Variants in MYLK4 observed in about 807,000 individuals in gnomAD.
The protein encoded by MYLK4 is caMLCK like.
In MYLK4, 46 loss-of-function variants were observed where a neutral mutation model predicts 48.1. The ratio of observed to expected loss-of-function variants is 0.96; its 90% confidence interval spans 0.75 to 1.22. The LOEUF is 1.22. MYLK4 is among the 50% of genes most tolerant of loss of function. The probability of loss-of-function intolerance (pLI) is 0.00; values close to 1 mark genes in which losing one functional copy is unlikely to be tolerated. For missense variants in MYLK4, 451 were observed against 486.1 expected (o/e 0.93, Z 0.68); for synonymous variants, 170 against 180.8 (o/e 0.94, Z 0.48).
intron 9 of MYLK4, among the ~76,000 whole-genome samples, chr6:2,678,595 C>T (rs1761174611): frequency 6.6e-6 from 1 of 152,098 alleles, no homozygotes; most frequent in Admixed American, 6.5e-5. Flanking sequence ...ATATGAATAT[C>T]AGCTTCCTTT....
intron 2 of MYLK4, among the ~76,000 whole-genome samples, chr6:2,726,993 A>C (rs1686497674): frequency 6.6e-6 from 1 of 152,160 alleles, no homozygotes; most frequent in Non-Finnish European, 1.5e-5. Flanking sequence ...TTATTATCTC[A>C]CAGCGGGAGA....
At chr6:2,766,246 G>A in the MYLK4 span, 6 of 1,484,348 alleles carry the variant, frequency 4.0e-6, no homozygotes, top group East Asian at 2.7e-5. Context: ...GGGGCCGCCC[G>A]CACCCCCGGG....
rs149621169 is a variant in MYLK4, at chr6:2,666,181, T to C, written c.*1744A>G. On this transcript the variant is annotated 3_prime_UTR_variant, in exon 13 of 13. Coordinates refer to ENST00000274643, the MANE Select transcript of MYLK4 (RefSeq NM_001012418.5). ...TACCTTAAAGATGAGAATAAGGATG[T>C]TGCACACATTCACGGCATGCTGTAA... 1 of 152,198 alleles carries C rather than the reference T, an allele frequency of 6.6e-6. No individual in the cohort carries two copies. Among genetic ancestry groups the C allele is most frequent in the Non-Finnish European group, 1.5e-5 (1 of 68,046 alleles). 9.4% of individuals were successfully genotyped at this position (152,198 alleles called of 1,614,324 possible). A position where few individuals can be genotyped will look rare whatever the true frequency, so the allele number is the denominator to read the frequency against.
rs1172941094 is a variant in MYLK4, at chr6:2,718,344, T to C, written c.160-25485A>G. On this transcript the variant is annotated intron_variant, in intron 2 of 12. Coordinates refer to ENST00000274643, the MANE Select transcript of MYLK4 (RefSeq NM_001012418.5). ...AGTGAGTCATAGATTGCTAGTAGCC[T>C]AGCCAATATCCTTCTCCCTTCTTCT... is the stretch of plus-strand genomic sequence containing the variant. Among the ~76,000 whole-genome samples, 11 of 152,240 alleles carry C rather than the reference T, an allele frequency of 7.2e-5. No homozygotes were observed. The South Asian group carries it at 1.7e-3, about 23-fold the overall frequency.
chr6:2,710,740 C>A (rs1230726209), intron 2 of MYLK4, among the ~76,000 whole-genome samples: 6 of 152,210 alleles, frequency 3.9e-5, no homozygotes, highest in Admixed American at 3.9e-4. Flanking sequence ...CTGCAAGAAA[C>A]AAGACCTAGA....
the MYLK4 span, among the ~76,000 whole-genome samples, chr6:2,756,123 A>G: frequency 6.6e-6 from 1 of 152,242 alleles, no homozygotes; most frequent in Admixed American, 6.5e-5. Flanking sequence ...TTGAGAATCA[A>G]TGATTACCAC....
upstream of MYLK4, among the ~76,000 whole-genome samples, chr6:2,752,469 G>T (rs1026878456): frequency 2.0e-5 from 3 of 151,962 alleles, no homozygotes; most frequent in African/African-American, 7.3e-5. Flanking sequence ...GAATCAGTAG[G>T]ATTTATGATA....
At chr6:2,720,531 C>T (rs1763032930) in intron 2 of MYLK4, among the ~76,000 whole-genome samples, 1 of 152,098 alleles carries the variant, frequency 6.6e-6, no homozygotes, top group African/African-American at 2.4e-5. Flanking sequence ...AAGGAAATTG[C>T]AGTTTTTGCC....
At chr6:2,749,009 C>A in intron 2 of MYLK4, 127 bp downstream of exon 2, 4 of 840,756 alleles carry the variant, frequency 4.8e-6, no homozygotes, top group Non-Finnish European at 7.4e-6. Context: ...ACAATTCTCA[C>A]TGAAGCAAAG....
intron 2 of MYLK4, among the ~76,000 whole-genome samples, chr6:2,709,594 G>A (rs779677275): frequency 2.0e-5 from 3 of 152,222 alleles, no homozygotes; most frequent in Admixed American, 6.5e-5. Context: ...CCAGAGAAAC[G>A]CTGTTTGCAA....
chr6:2,680,069 A>C, intron 8 of MYLK4, 152 bp downstream of exon 8: 1 of 878,754 alleles, frequency 1.1e-6, no homozygotes, highest in Non-Finnish European at 1.7e-6. Context: ...CAAGTCTCAA[A>C]TTTAGCAAGT....
chr6:2,720,991 T>C (rs1383839689), intron 2 of MYLK4, among the ~76,000 whole-genome samples: 1 of 151,830 alleles, frequency 6.6e-6, no homozygotes, highest in Non-Finnish European at 1.5e-5. Context: ...TGAAACCCTG[T>C]CTCTACTAAA....
At chr6:2,674,950 G>T in intron 11 of MYLK4, 97 bp downstream of exon 11, 1 of 864,226 alleles carries the variant, frequency 1.2e-6, no homozygotes, top group Non-Finnish European at 1.9e-6. Context: ...AAAAGAATGA[G>T]AAAGAATCTT....
Position 2,750,866 on chromosome 6 carries a change from G to T in MYLK4, c.-243C>A, listed in dbSNP as rs899833222. 7.2e-5 allele frequency: 11 copies of T among 152,628 alleles called. No individual in the cohort carries two copies. The highest frequency in any genetic ancestry group is 2.9e-5 in the Non-Finnish European group (2 of 68,044). 9.5% of individuals were successfully genotyped at this position (152,628 alleles called of 1,614,324 possible). A position where few individuals can be genotyped will look rare whatever the true frequency, so the allele number is the denominator to read the frequency against. On this transcript the variant is annotated 5_prime_UTR_variant, in exon 1 of 13. Coordinates refer to ENST00000274643, the MANE Select transcript of MYLK4 (RefSeq NM_001012418.5). Reference sequence around the variant, plus strand: ...CTGGTAAAAGTTTTGACTCTCAGTCGTATAAATCTTCTGAAAAGACAAGTG... The same window carrying T: ...CTGGTAAAAGTTTTGACTCTCAGTCTTATAAATCTTCTGAAAAGACAAGTG...
chr6:2,765,531 G>A, the MYLK4 span: 1 of 1,305,282 alleles, frequency 7.7e-7, no homozygotes, highest in Non-Finnish European at 9.7e-7. Context: ...CGAGGGTCTC[G>A]CGGCGCGGGG....
intron 2 of MYLK4, among the ~76,000 whole-genome samples, chr6:2,747,120 T>A (rs1764122260): frequency 6.6e-6 from 1 of 152,268 alleles, no homozygotes; most frequent in African/African-American, 2.4e-5. Flanking sequence ...CCACAGGGTG[T>A]CAACTGCAGG....
At chr6:2,680,788 C>T (rs554683310) in intron 7 of MYLK4, among the ~76,000 whole-genome samples, 71 of 152,306 alleles carry the variant, frequency 4.7e-4, no homozygotes, top group African/African-American at 1.7e-3. Context: ...CTTTGCTCAA[C>T]GCCTATGGGA....
intron 2 of MYLK4, among the ~76,000 whole-genome samples, chr6:2,737,632 G>A (rs1763726422): frequency 6.6e-6 from 1 of 152,074 alleles, no homozygotes. Flanking sequence ...AGGGAGGGAG[G>A]GGGAGTCCAT....
At chr6:2,724,506 C>T (rs1474034332) in intron 2 of MYLK4, among the ~76,000 whole-genome samples, 1 of 152,076 alleles carries the variant, frequency 6.6e-6, no homozygotes, top group East Asian at 1.9e-4. Context: ...TGTGAAGGGT[C>T]GGTAAAAGCC....
Sources: gnomAD v4.1 joint callset for allele counts (sites outside exome capture counted in the v4.1 genomes callset) on GRCh38, gnomAD v4.1.1 for gene constraint, MANE v1.5 for transcripts, NCBI Gene and HGNC (gene_info 2026-07-23, HGNC 2026-07-21) for gene names.